Variants in ROBO1 observed in about 807,000 individuals in gnomAD.
ROBO1 encodes the protein roundabout homolog 1.
In ROBO1, 149 loss-of-function variants were observed where a neutral mutation model predicts 195.9. That is an observed-to-expected ratio of 0.76 (90% CI 0.67 to 0.87). The LOEUF (loss-of-function observed/expected upper bound fraction) is 0.87. Among genes scored for constraint, ROBO1 ranks in the 40% least tolerant of loss-of-function variants. The probability of loss-of-function intolerance (pLI) is 0.00; values close to 1 mark genes in which losing one functional copy is unlikely to be tolerated. For synonymous variants in ROBO1, 816 were observed against 733.2 expected (o/e 1.11, Z -1.82); for missense variants, 1,933 against 2,068.3 (o/e 0.93, Z 1.27).
At chr3:79,096,964 A>G (rs1181502728) in intron 3 of ROBO1, among the ~76,000 whole-genome samples, 1 of 151,618 alleles carries the variant, frequency 6.6e-6, no homozygotes, top group Non-Finnish European at 1.5e-5. Context: ...TACTTCCCTT[A>G]TTTCTTTTCA....
chr3:79,676,398 T>G (rs1275301724), intron 1 of ROBO1, among the ~76,000 whole-genome samples: 1 of 151,950 alleles, frequency 6.6e-6, no homozygotes, highest in Non-Finnish European at 1.5e-5. Flanking sequence ...ATTAATTGGG[T>G]CCTCTGCTGA....
At chr3:78,834,034 A>G (rs1165351596) in intron 4 of ROBO1, among the ~76,000 whole-genome samples, 1 of 152,188 alleles carries the variant, frequency 6.6e-6, no homozygotes, top group African/African-American at 2.4e-5. Flanking sequence ...ACAAAGTAAT[A>G]TTATGAAAGT....
chr3:79,664,014 AAT>A (rs779203208), intron 1 of ROBO1, among the ~76,000 whole-genome samples: 113 of 152,190 alleles, frequency 7.4e-4, no homozygotes, highest in Non-Finnish European at 1.3e-3. Flanking sequence ...CTAAACTTTT[AAT>A]ATACAATTCT....
At chr3:79,651,693 C>T (rs1445029291) in intron 1 of ROBO1, among the ~76,000 whole-genome samples, 2 of 152,112 alleles carry the variant, frequency 1.3e-5, no homozygotes, top group African/African-American at 2.4e-5. Context: ...CTGAAGCGTT[C>T]ATGGGTGAAA....
In ROBO1 at chr3:78,779,386, C is replaced by T. The variant is rs1033271896; in HGVS notation, c.500-32486G>A. Among the ~76,000 whole-genome samples, 17 of 152,240 alleles carry T rather than the reference C, an allele frequency of 1.1e-4. No homozygotes were observed. In the South Asian group the frequency reaches 1.5e-3, roughly 13 times the overall value. On this transcript the variant is annotated intron_variant, in intron 4 of 30. Coordinates refer to ENST00000464233, the MANE Select transcript of ROBO1 (RefSeq NM_002941.4). ...ACAAAGGGCTAATATCCAGAATCTACAAAGAACTTACACAAACTTACAAGA... is the reference window on the plus strand; with the variant it reads ...ACAAAGGGCTAATATCCAGAATCTATAAAGAACTTACACAAACTTACAAGA...
At chr3:79,623,959 C>A (rs551085828) in intron 1 of ROBO1, among the ~76,000 whole-genome samples, 58 of 152,246 alleles carry the variant, frequency 3.8e-4, no homozygotes, top group African/African-American at 1.3e-3. Context: ...AAGGCCTGGT[C>A]ACCTACAAAG....
intron 2 of ROBO1, among the ~76,000 whole-genome samples, chr3:79,163,771 GAAAC>G (rs1322717427): frequency 6.6e-6 from 1 of 151,966 alleles, no homozygotes; most frequent in African/African-American, 2.4e-5. Context: ...TACTCATCTT[GAAAC>G]AAAGAAAAGG....
At chr3:78,873,782 C>T (rs1292351061) in intron 4 of ROBO1, among the ~76,000 whole-genome samples, 1 of 152,026 alleles carries the variant, frequency 6.6e-6, no homozygotes, top group African/African-American at 2.4e-5. Context: ...TGTTTCTTTT[C>T]ACGTGACTTT....
intron 3 of ROBO1, among the ~76,000 whole-genome samples, chr3:78,985,953 G>A (rs576830469): frequency 3.3e-5 from 5 of 152,132 alleles, no homozygotes; most frequent in Non-Finnish European, 5.9e-5. Context: ...AGAAGGAGGG[G>A]CAGCAGAGCC....
At chr3:79,027,331 A>C (rs1397313489) in intron 3 of ROBO1, among the ~76,000 whole-genome samples, 1 of 152,110 alleles carries the variant, frequency 6.6e-6, no homozygotes, top group Non-Finnish European at 1.5e-5. Flanking sequence ...GCTTATTAGT[A>C]ATAATCACAA....
At chr3:79,343,505 A>T (rs1463907860) in intron 2 of ROBO1, among the ~76,000 whole-genome samples, 2 of 152,218 alleles carry the variant, frequency 1.3e-5, no homozygotes, top group Non-Finnish European at 2.9e-5. Flanking sequence ...TGGCAAAAAA[A>T]GATGCTGAAT....
intron 3 of ROBO1, among the ~76,000 whole-genome samples, chr3:79,006,920 G>A (rs1434398297): frequency 6.6e-6 from 1 of 152,030 alleles, no homozygotes; most frequent in Non-Finnish European, 1.5e-5. Context: ...GACATCCCAG[G>A]ATACCAAGGG....
chr3:79,758,841 A>T (rs1210169587), intron 1 of ROBO1, among the ~76,000 whole-genome samples: 4 of 152,178 alleles, frequency 2.6e-5, no homozygotes, highest in African/African-American at 9.6e-5. Context: ...GAAGTCATAT[A>T]AAAAAGGGCC....
At chr3:79,296,096 C>T (rs891205880) in intron 2 of ROBO1, among the ~76,000 whole-genome samples, 5 of 152,236 alleles carry the variant, frequency 3.3e-5, no homozygotes, top group South Asian at 2.1e-4. Flanking sequence ...AATCTGCTTT[C>T]GGGCAATCCA....
chr3:79,693,489 T>G (rs1947355791), intron 1 of ROBO1, among the ~76,000 whole-genome samples: 1 of 151,310 alleles, frequency 6.6e-6, no homozygotes, highest in African/African-American at 2.4e-5. Flanking sequence ...CAGGCTGGAG[T>G]TCAGTGGCAC....
chr3:79,583,073 T>G (rs528341192), intron 2 of ROBO1, among the ~76,000 whole-genome samples: 1 of 152,152 alleles, frequency 6.6e-6, no homozygotes, highest in South Asian at 2.1e-4. Flanking sequence ...CCTATTAACA[T>G]CTAAGACAAG....
chr3:78,766,942 C>A (rs891191295), intron 4 of ROBO1, among the ~76,000 whole-genome samples: 2 of 152,134 alleles, frequency 1.3e-5, no homozygotes, highest in Non-Finnish European at 1.5e-5. Flanking sequence ...ATATGTTAAG[C>A]CATCCCTGCT....
chr3:78,814,289 A>G (rs1364158930), intron 4 of ROBO1, among the ~76,000 whole-genome samples: 4 of 152,096 alleles, frequency 2.6e-5, no homozygotes, highest in Non-Finnish European at 2.9e-5. Flanking sequence ...ATAAAACTAA[A>G]AAGTTGAAAT....
chr3:78,787,904 G>A (rs952640278), intron 4 of ROBO1, among the ~76,000 whole-genome samples: 3 of 145,938 alleles, frequency 2.1e-5, no homozygotes, highest in African/African-American at 7.6e-5. Flanking sequence ...TTTGAGCCTG[G>A]CCACAGAGTT....
Sources: allele counts gnomAD v4.1 joint callset (sites outside exome capture counted in the v4.1 genomes callset), GRCh38; gene constraint gnomAD v4.1.1; transcripts MANE v1.5; gene names NCBI Gene and HGNC (gene_info 2026-07-23, HGNC 2026-07-21).